Variants in NCAM1 observed in about 807,000 individuals in gnomAD.
NCAM1 encodes neural cell adhesion molecule 1.
Under a neutral mutation model 109.8 loss-of-function variants are expected in NCAM1, and 14 were observed. The ratio of observed to expected loss-of-function variants is 0.13; its 90% CI spans 0.08 to 0.20. The LOEUF (loss-of-function observed/expected upper bound fraction) is 0.20. Among genes scored for constraint, NCAM1 ranks in the 10% least tolerant of loss-of-function variants. The pLI is 1.00. For missense variants in NCAM1, 774 were observed against 1,109.9 expected (o/e 0.70, Z 4.30); for synonymous variants, 418 against 442.9 (o/e 0.94, Z 0.70).
chr11:113,003,397 C>T (rs970414305), intron 1 of NCAM1, among the ~76,000 whole-genome samples: 1 of 152,220 alleles, frequency 6.6e-6, no homozygotes, highest in Non-Finnish European at 1.5e-5. Context: ...TCTCAAACTT[C>T]ATTTTTATTG....
intron 1 of NCAM1, among the ~76,000 whole-genome samples, chr11:113,109,195 A>C (rs1436958514): frequency 6.6e-6 from 1 of 151,642 alleles, no homozygotes; most frequent in Admixed American, 6.6e-5. Flanking sequence ...TAAAAATACA[A>C]AAATTAACCG....
chr11:113,021,505 G>A (rs1204644945), intron 1 of NCAM1, among the ~76,000 whole-genome samples: 13 of 152,216 alleles, frequency 8.5e-5, no homozygotes, highest in African/African-American at 3.1e-4. Flanking sequence ...ACAAACTGGA[G>A]TATGTTTGTT....
chr11:113,249,599 G>A (rs1163191975), intron 15 of NCAM1, among the ~76,000 whole-genome samples: 1 of 152,216 alleles, frequency 6.6e-6, no homozygotes, highest in East Asian at 1.9e-4. Context: ...TTGTGGCCTT[G>A]GAGGCAGGAG....
intron 1 of NCAM1, among the ~76,000 whole-genome samples, chr11:113,140,940 T>C (rs1555100280): frequency 5.9e-5 from 9 of 152,180 alleles, no homozygotes; most frequent in Non-Finnish European, 4.4e-5. Context: ...ATTAAATCAT[T>C]GTTGTTTTTA....
chr11:113,128,557 C>T (rs1057470840), intron 1 of NCAM1, among the ~76,000 whole-genome samples: 15 of 152,122 alleles, frequency 9.9e-5, no homozygotes, highest in African/African-American at 3.4e-4. Context: ...ATGGTGACAA[C>T]GAACTCTGCT....
chr11:113,183,872 C>T (rs916249202), intron 1 of NCAM1, among the ~76,000 whole-genome samples: 4 of 152,098 alleles, frequency 2.6e-5, no homozygotes, highest in African/African-American at 4.8e-5. Context: ...TTCTCTTGAT[C>T]GTTTAAAATA....
chr11:113,247,046 A>T (rs1275111174), intron 15 of NCAM1, among the ~76,000 whole-genome samples: 2 of 152,228 alleles, frequency 1.3e-5, no homozygotes, highest in Non-Finnish European at 2.9e-5. Context: ...ATCTCCGTGT[A>T]ATCAAGAAAC....
chr11:113,135,803 T>G lies in NCAM1; in HGVS notation c.53-66576T>G, dbSNP rs190797554. Reference sequence around the variant, plus strand: ...TGAGAAAGCGAGGGCCAGCTATTTCTTGAAGATCAGTAATGGGGAGATTGG... The same window carrying G: ...TGAGAAAGCGAGGGCCAGCTATTTCGTGAAGATCAGTAATGGGGAGATTGG... On this transcript the variant is annotated intron_variant, in intron 1 of 19. Transcript: ENST00000316851. 7.9e-5 allele frequency among the ~76,000 whole-genome samples: 12 copies of G among 152,344 alleles called. No individual in the cohort carries two copies. In the East Asian group the frequency reaches 1.9e-3, roughly 24 times the overall value.
rs1946434281 is a variant in NCAM1 at position 113,277,874 on chromosome 11, AAAGC to A, written c.*2490_*2493del. ...TAAAAAAAAAAAAAAAAAAAAAAAAAAAGCAATGCTTTCTCTAAAATCAAAGAGG... is the reference window on the plus strand; with the variant it reads ...TAAAAAAAAAAAAAAAAAAAAAAAAAAATGCTTTCTCTAAAATCAAAGAGG... On this transcript the variant is annotated 3_prime_UTR_variant, in exon 20 of 20. Transcript: ENST00000316851. The A allele has an allele frequency of 6.5e-6, 1 of 154,242 alleles. No homozygotes were observed. Among genetic ancestry groups the A allele is most frequent in the Admixed American group, 6.6e-5 (1 of 15,258 alleles). The allele number at this position is 154,242 out of a possible 1,614,324, so 9.6% of individuals were successfully genotyped here.
intron 1 of NCAM1, among the ~76,000 whole-genome samples, chr11:113,120,743 C>T (rs1555095854): frequency 1.3e-5 from 2 of 152,176 alleles, no homozygotes; most frequent in African/African-American, 2.4e-5. Flanking sequence ...ATTGCATGCA[C>T]ATATGTGCAC....
chr11:113,023,993 T>C (rs930030924), intron 1 of NCAM1, among the ~76,000 whole-genome samples: 6 of 152,134 alleles, frequency 3.9e-5, no homozygotes, highest in African/African-American at 4.8e-5. Context: ...AGCTCTCCAG[T>C]TGCTTTCAGG....
At chr11:113,139,403 GT>G (rs1246194107) in intron 1 of NCAM1, among the ~76,000 whole-genome samples, 1 of 151,464 alleles carries the variant, frequency 6.6e-6, no homozygotes. Flanking sequence ...TCTACCATTT[GT>G]TTCCACATGA....
At chr11:113,172,832 T>C (rs1565478615) in intron 1 of NCAM1, among the ~76,000 whole-genome samples, 1 of 152,190 alleles carries the variant, frequency 6.6e-6, no homozygotes, top group Non-Finnish European at 1.5e-5. Context: ...CTTTTACAAG[T>C]CTGACTGTTA....
chr11:113,266,981 G>C (rs2137729989), intron 17 of NCAM1, among the ~76,000 whole-genome samples: 1 of 152,270 alleles, frequency 6.6e-6, no homozygotes, highest in South Asian at 2.1e-4. Context: ...CTGCCAAGGG[G>C]TCTTCTGGCC....
rs1946414040 is a variant in NCAM1 at position 113,277,215 on chromosome 11, T to C, written c.*1828T>C. 2.5e-6 allele frequency: 1 copy of C among 397,784 alleles called. No individual in the cohort carries two copies. Among genetic ancestry groups the C allele is most frequent in the East Asian group, 3.6e-5 (1 of 28,046 alleles). The allele number at this position is 397,784 out of a possible 1,614,324, so 24.6% of individuals were successfully genotyped here. A position where few individuals can be genotyped will look rare whatever the true frequency, so the allele number is the denominator to read the frequency against. The stretch of plus-strand genomic sequence containing the variant: ...GTGGCAAGGCTGCCTCTGGGTCCAT[T>C]CTGTGGGCCACTCTCCCCAACGTTC... On this transcript the variant is annotated 3_prime_UTR_variant, in exon 20 of 20. Coordinates refer to ENST00000316851, the MANE Select transcript of NCAM1 (RefSeq NM_181351.5).
chr11:112,978,329 A>G (rs1951062970), intron 1 of NCAM1, among the ~76,000 whole-genome samples: 2 of 151,832 alleles, frequency 1.3e-5, no homozygotes, highest in South Asian at 4.1e-4. Flanking sequence ...TATTGTTTTT[A>G]GAAAATACGT....
intron 1 of NCAM1, among the ~76,000 whole-genome samples, chr11:113,154,862 C>T (rs1397816926): frequency 6.6e-6 from 1 of 152,156 alleles, no homozygotes; most frequent in Admixed American, 6.5e-5. Flanking sequence ...CCCTGAATGA[C>T]ACTGGGGGTC....
At chr11:113,083,211 T>C (rs1186678317) in intron 1 of NCAM1, among the ~76,000 whole-genome samples, 1 of 152,180 alleles carries the variant, frequency 6.6e-6, no homozygotes, top group Non-Finnish European at 1.5e-5. Flanking sequence ...TACTAAACTC[T>C]TTACATCCCT....
intron 1 of NCAM1, among the ~76,000 whole-genome samples, chr11:113,171,139 C>T (rs1555106152): frequency 6.6e-6 from 1 of 152,150 alleles, no homozygotes; most frequent in Non-Finnish European, 1.5e-5. Flanking sequence ...CACTACAAAA[C>T]TCTCAGGTGG....
Sources: gnomAD v4.1 joint callset for allele counts (sites outside exome capture counted in the v4.1 genomes callset) on GRCh38, gnomAD v4.1.1 for gene constraint, MANE v1.5 for transcripts, NCBI Gene and HGNC (gene_info 2026-07-23, HGNC 2026-07-21) for gene names.